The following SMG5 variants were observed in gnomAD, a reference collection of about 807,000 sequenced individuals.
SMG5 encodes SMG5 nonsense mediated mRNA decay factor, also known as nonsense-mediated mRNA decay factor SMG5.
A neutral mutation model predicts 122.9 loss-of-function variants in SMG5; 53 were observed. That is an observed-to-expected ratio of 0.43 (90% CI 0.35 to 0.54). The LOEUF is 0.54. Ranked by LOEUF, SMG5 falls within the 20% of genes least tolerant of loss-of-function variation. The pLI is 0.01. For synonymous variants in SMG5, 477 were observed against 490.2 expected (o/e 0.97, Z 0.35); for missense variants, 1,153 against 1,285.6 (o/e 0.90, Z 1.58).
In SMG5 at chr1:156,261,341, T is replaced by C. The variant is rs1323302302; in HGVS notation, c.2099A>G (p.Gln700Arg). The part of the protein sequence containing the change: ...LNLLPAAGEL[Q>R]ESGLALCPEV... Reference sequence around the variant, plus strand: ...GCCAGGGACCCACTCACCAGACTCCTGGAGTTCACCAGCAGCAGGCAACAG... The same window carrying C: ...GCCAGGGACCCACTCACCAGACTCCCGGAGTTCACCAGCAGCAGGCAACAG... The change falls in exon 14 of 22, where the codon CAG (glutamine) becomes CGG (arginine). Residue 700 changes from glutamine (Q) to arginine (R), a missense_variant. By Grantham distance (43) the Gln-to-Arg change is conservative. This residue lies in a region of SMG5 where 631 missense variants were observed against 650.6 expected (regional missense o/e 0.97). Coordinates refer to ENST00000361813, the MANE Select transcript of SMG5 (RefSeq NM_015327.3). 6.2e-7 allele frequency: 1 copy of C among 1,613,984 alleles called. No homozygotes were observed. Among genetic ancestry groups the C allele is most frequent in the African/African-American group, 1.3e-5 (1 of 74,896 alleles).
chr1:156,266,520 T>C (rs1662153040), intron 11 of SMG5, 21 bp downstream of exon 11: 4 of 1,614,016 alleles, frequency 2.5e-6, no homozygotes, highest in Admixed American at 1.7e-5. Flanking sequence ...TCCATAGTGA[T>C]GACCTCCCCG....
Position 156,251,101 on chromosome 1 carries a change from G to A in SMG5, c.2829-105C>T, listed in dbSNP as rs1661326729. Reference sequence around the variant, plus strand: ...GGGGCAGCTGGGGGCTGGGAGGGCAGTGAGCAGCAGTGGGCCCTGGAAGCT... The same window carrying A: ...GGGGCAGCTGGGGGCTGGGAGGGCAATGAGCAGCAGTGGGCCCTGGAAGCT... On this transcript the variant is annotated intron_variant, in intron 20 of 21. Coordinates refer to ENST00000361813, the MANE Select transcript of SMG5 (RefSeq NM_015327.3). 6 of 1,438,898 alleles carry A rather than the reference G, an allele frequency of 4.2e-6. No homozygotes were observed. The South Asian group carries it at 5.1e-5, about 12-fold the overall frequency. The allele number at this position is 1,438,898 out of a possible 1,614,324, so 89.1% of individuals were successfully genotyped here. A position where few individuals can be genotyped will look rare whatever the true frequency, so the allele number is the denominator to read the frequency against.
chr1:156,250,755 T>C (rs888639451), intron 21 of SMG5, 85 bp from the exon 22 acceptor site: 28 of 1,600,596 alleles, frequency 1.7e-5, no homozygotes, highest in Non-Finnish European at 2.2e-5. Flanking sequence ...GAAGGAGTGA[T>C]GGAAGAGAAA....
chr1:156,252,410 T>G lies in SMG5; in HGVS notation c.2753+4A>C. ...CAGCACAGGTCCAGCCAGGCCACAC[T>G]CACCTGTTTCCTTTTTTAAACTCTG... is the stretch of plus-strand genomic sequence containing the variant. On this transcript the variant is annotated splice_donor_region_variant and intron_variant, in intron 19 of 21. Transcript: ENST00000361813. The G allele has an allele frequency of 6.2e-7, 1 of 1,613,858 alleles. No individual in the cohort carries two copies. The highest frequency in any genetic ancestry group is 1.1e-5 in the South Asian group (1 of 91,074).
intron 16 of SMG5, among the ~76,000 whole-genome samples, chr1:156,258,549 G>A (rs1661677259): frequency 6.6e-6 from 1 of 152,242 alleles, no homozygotes; most frequent in Non-Finnish European, 1.5e-5. Flanking sequence ...TGTAATCCCA[G>A]TACTTTGGGA....
rs750395314 is a variant in SMG5 at position 156,278,923 on chromosome 1, G to T, written c.173+13C>A. The T allele has an allele frequency of 1.2e-6, 2 of 1,604,828 alleles. No homozygotes were observed. Among genetic ancestry groups the T allele is most frequent in the Non-Finnish European group, 1.7e-6 (2 of 1,171,496 alleles). ...AAACAGTAAGGATCTGTGGTTTAGA[G>T]TCTCTAGCTTACTTGTTCCTCAGGC... is the stretch of plus-strand genomic sequence containing the variant. On this transcript the variant is annotated intron_variant, in intron 2 of 21. Transcript: ENST00000361813.
At chr1:156,270,914 G>A (rs1282736220) in intron 7 of SMG5, among the ~76,000 whole-genome samples, 3 of 151,708 alleles carry the variant, frequency 2.0e-5, no homozygotes, top group African/African-American at 7.3e-5. Flanking sequence ...GGCTGGGGCA[G>A]AAGAATCACT....
intron 18 of SMG5, among the ~76,000 whole-genome samples, 162 bp downstream of exon 18, chr1:156,252,757 G>A (rs1661408024): frequency 6.6e-6 from 1 of 152,222 alleles, no homozygotes; most frequent in Non-Finnish European, 1.5e-5. Context: ...AGGCAGAATA[G>A]GGATTATGTC....
chr1:156,262,096 A>G (rs1661870755), intron 13 of SMG5, among the ~76,000 whole-genome samples: 1 of 151,938 alleles, frequency 6.6e-6, no homozygotes, highest in South Asian at 2.1e-4. Flanking sequence ...GGACTGGCTC[A>G]TGCCTGTAAT....
intron 18 of SMG5, 48 bp from the exon 19 acceptor site, chr1:156,252,552 G>A (rs1292024710): frequency 3.2e-6 from 5 of 1,577,408 alleles, no homozygotes; most frequent in Admixed American, 1.7e-5. Context: ...TCAGACTGCT[G>A]TGACAAGGGG....
intron 12 of SMG5, 95 bp from the exon 13 acceptor site, chr1:156,263,665 T>C: frequency 1.5e-6 from 2 of 1,369,010 alleles, no homozygotes; most frequent in Non-Finnish European, 2.0e-6. Context: ...TGCTTCCACC[T>C]GGCCTGGGCC....
chr1:156,277,418 C>T (rs972913719), intron 3 of SMG5, among the ~76,000 whole-genome samples, 177 bp from the exon 4 acceptor site: 7 of 152,034 alleles, frequency 4.6e-5, no homozygotes, highest in Non-Finnish European at 1.0e-4. Flanking sequence ...GGACCAGGCT[C>T]CCCTCCTTCT....
At chr1:156,269,671 C>T (rs145079164) in intron 7 of SMG5, among the ~76,000 whole-genome samples, 6,797 of 152,070 alleles carry the variant, frequency 0.045, 511 homozygotes, top group African/African-American at 0.16. Flanking sequence ...GTCAGGAGAT[C>T]GAGACCATCC....
At chr1:156,281,460 G>A (rs1274773229) in intron 1 of SMG5, among the ~76,000 whole-genome samples, 1 of 152,182 alleles carries the variant, frequency 6.6e-6, no homozygotes, top group African/African-American at 2.4e-5. Context: ...GGGACTGCTT[G>A]GGGCAGCCCA....
At position 156,251,495 on chromosome 1, in the gene SMG5, G is replaced by C; in HGVS notation, c.2754-18C>G. ...GAATGTACCTGCAGAGGAGATGTGC[G>C]AGTGGAGGTCAGGAGCAGGAGACTG... On this transcript the variant is annotated intron_variant, in intron 19 of 21. Transcript: ENST00000361813. 6.2e-7 allele frequency: 1 copy of C among 1,613,454 alleles called. No individual in the cohort carries two copies. The highest frequency in any genetic ancestry group is 2.2e-5 in the East Asian group (1 of 44,866).
At chr1:156,285,426 A>G, upstream of SMG5, 1 of 1,612,536 alleles carries the variant, frequency 6.2e-7, no homozygotes, top group Non-Finnish European at 8.5e-7. Context: ...GATGGTCTAG[A>G]CAGCACAGTA....
chr1:156,287,979 C>G, the SMG5 span, among the ~76,000 whole-genome samples: 1 of 151,436 alleles, frequency 6.6e-6, no homozygotes, highest in Admixed American at 6.6e-5. Flanking sequence ...CTTTGGGAGG[C>G]GGAGGCGGGC....
At chr1:156,260,647 T>G in intron 14 of SMG5, 21 bp from the exon 15 acceptor site, 1 of 1,481,928 alleles carries the variant, frequency 6.7e-7, no homozygotes, top group Non-Finnish European at 8.9e-7. Flanking sequence ...GAAGGACACA[T>G]AAGACCATCT....
chr1:156,282,954 A>T (rs1572604899), upstream of SMG5: 2 of 531,788 alleles, frequency 3.8e-6, no homozygotes, highest in East Asian at 6.4e-5. Context: ...TCTGGGCAGC[A>T]TGGCGTCTTT....
Sources: allele counts gnomAD v4.1 joint callset (sites outside exome capture counted in the v4.1 genomes callset), GRCh38; gene constraint gnomAD v4.1.1; regional missense constraint gnomAD v4.1.1; transcripts MANE v1.5; gene names NCBI Gene and HGNC (gene_info 2026-07-23, HGNC 2026-07-21).